TKTL1: variants seen among roughly 807,000 people sequenced by gnomAD.
The protein encoded by TKTL1 is transketolase-like protein 1.
TKTL1 carries 1 observed loss-of-function variant against 39.3 expected under a neutral mutation model. That is an observed-to-expected ratio of 0.03 (90% CI 0.01 to 0.12). The LOEUF is 0.12. Ranked by LOEUF, TKTL1 falls within the 10% of genes least tolerant of loss-of-function variation. The pLI is 1.00. For missense variants in TKTL1, 575 were observed against 509.6 expected (o/e 1.13, Z -1.24); for synonymous variants, 262 against 193.8 (o/e 1.35, Z -2.92).
At chrX:154,328,997 G>A (rs1033983525) in intron 12 of TKTL1, among the ~76,000 whole-genome samples, 5 of 112,473 alleles carry the variant, frequency 4.4e-5, no homozygotes, top group South Asian at 3.6e-4. Context: ...TAGAGACTTG[G>A]CACCTCAAGT....
rs1557169152 is a variant in TKTL1, at chrX:154,315,308, A to G, written c.1000A>G (p.Ile334Val). The change falls in exon 7 of 13, where the codon ATC becomes GTC. Residue 334 changes from isoleucine (I) to valine (V), a missense_variant. By Grantham distance (29) the Ile-to-Val change is conservative (BLOSUM62 3). Transcript: ENST00000369915. ...IFNKEYPERF[I>V]ECFMAEQNMV... ...CAACAAGGAGTACCCTGAGCGCTTCATCGAGTGCTTTATGGCTGAACAAAA... is the reference window on the plus strand; with the variant it reads ...CAACAAGGAGTACCCTGAGCGCTTCGTCGAGTGCTTTATGGCTGAACAAAA... The G allele has an allele frequency of 1.7e-6, 2 of 1,211,346 alleles. No homozygotes were observed. The highest frequency in any genetic ancestry group is 2.2e-6 in the Non-Finnish European group (2 of 895,309).
intron 8 of TKTL1, among the ~76,000 whole-genome samples, chrX:154,321,832 G>A (rs141975241): frequency 1.6e-3 from 175 of 108,638 alleles, no homozygotes; most frequent in African/African-American, 3.0e-3. Flanking sequence ...CTAGAGTCAC[G>A]GCTGTCTGGG....
intron 6 of TKTL1, among the ~76,000 whole-genome samples, chrX:154,313,441 C>G (rs1297710525): frequency 8.9e-6 from 1 of 112,121 alleles, no homozygotes; most frequent in African/African-American, 3.2e-5. Flanking sequence ...GCAGACCTGA[C>G]ATAGGCAAGT....
intron 2 of TKTL1, 66 bp from the exon 3 acceptor site, chrX:154,309,279 G>T: frequency 1.1e-6 from 1 of 939,958 alleles, no homozygotes; most frequent in Non-Finnish European, 1.5e-6. Context: ...TGCACTCAGT[G>T]CGTGAGTCCA....
intron 5 of TKTL1, among the ~76,000 whole-genome samples, chrX:154,311,684 G>A (rs1355721101): frequency 8.9e-6 from 1 of 111,973 alleles, no homozygotes; most frequent in Non-Finnish European, 1.9e-5. Flanking sequence ...AAGGCTGACA[G>A]CTGAAATTGT....
rs782747271 is a variant in TKTL1 at position 154,325,390 on chromosome X, C to G, written c.1369C>G (p.Pro457Ala). ...ACCAGAAACTATGGTTATTTACACCCCACAAGAACGCTTTGAGATCGGACA... is the reference window on the plus strand; with the variant it reads ...ACCAGAAACTATGGTTATTTACACCGCACAAGAACGCTTTGAGATCGGACA... The part of the protein sequence containing the change: ...TRPETMVIYT[P>A]QERFEIGQAK... The change falls in exon 10 of 13, where the codon CCA becomes GCA. Residue 457 changes from proline (P) to alanine (A), a missense_variant. Physicochemically the swap from Pro to Ala is conservative, Grantham distance 27. Coordinates refer to ENST00000369915, the MANE Select transcript of TKTL1 (RefSeq NM_012253.4). The G allele has an allele frequency of 1.9e-5, 23 of 1,211,824 alleles. No individual in the cohort carries two copies. Among genetic ancestry groups the G allele is most frequent in the Non-Finnish European group, 2.5e-5 (22 of 895,297 alleles).
intron 5 of TKTL1, among the ~76,000 whole-genome samples, chrX:154,311,824 A>G (rs2067360182): frequency 9.0e-6 from 1 of 111,497 alleles, no homozygotes; most frequent in South Asian, 3.8e-4. Context: ...CCCTCCGTTC[A>G]GTAAATTATT....
chrX:154,320,886 A>G lies in TKTL1; in HGVS notation c.1159A>G (p.Ile387Val). Residue 387 changes from isoleucine to valine, a missense_variant, in exon 8 of 13, where the codon ATT (isoleucine) becomes GTT (valine). Transcript: ENST00000369915. The stretch of plus-strand genomic sequence containing the variant: ...CCTCGCTGAGAGCAACATCAACATT[A>G]TTGGTTCCCACTGTGGGGTATCTGT... ...GGLAESNINI[I>V]GSHCGVSVGD... 1.7e-6 allele frequency: 2 copies of G among 1,211,512 alleles called. No individual in the cohort carries two copies. Among genetic ancestry groups the G allele is most frequent in the South Asian group, 3.5e-5 (2 of 56,971 alleles).
rs921494097 is a variant in TKTL1 at position 154,315,302 on chromosome X, C to T, written c.994C>T (p.Arg332Cys). The T allele has an allele frequency of 1.7e-6, 2 of 1,210,991 alleles. No individual in the cohort carries two copies. Among genetic ancestry groups the T allele is most frequent in the Non-Finnish European group, 2.2e-6 (2 of 895,059 alleles). ...GATATTCAACAAGGAGTACCCTGAG[C>T]GCTTCATCGAGTGCTTTATGGCTGA... ...SEIFNKEYPE[R>C]FIECFMAEQN... Residue 332 changes from arginine (R) to cysteine (C), a missense_variant, in exon 7 of 13, where the codon CGC becomes TGC. Coordinates refer to ENST00000369915, the MANE Select transcript of TKTL1 (RefSeq NM_012253.4).
At chrX:154,298,891 CTAGAG>C (rs2067251174) in intron 1 of TKTL1, among the ~76,000 whole-genome samples, 1 of 109,800 alleles carries the variant, frequency 9.1e-6, no homozygotes, top group East Asian at 2.8e-4. Flanking sequence ...GTCGCCCAGG[CTAGAG>C]ATGGGGTTTC....
chrX:154,320,458 C>T, intron 7 of TKTL1: 1 of 325,666 alleles, frequency 3.1e-6, no homozygotes, highest in Non-Finnish European at 5.4e-6. Flanking sequence ...AAAGCAGGAA[C>T]AGGACAGATT....
At chrX:154,309,982 G>T (rs2067343438) in intron 3 of TKTL1, among the ~76,000 whole-genome samples, 1 of 109,740 alleles carries the variant, frequency 9.1e-6, no homozygotes, top group Non-Finnish European at 1.9e-5. Context: ...TGATCCACCT[G>T]CCTTGGCCTC....
chrX:154,319,843 C>G (rs974594274), intron 7 of TKTL1, among the ~76,000 whole-genome samples: 2 of 111,639 alleles, frequency 1.8e-5, no homozygotes, highest in African/African-American at 6.5e-5. Context: ...ACACCCACAG[C>G]CACATCCCCT....
chrX:154,314,973 A>G (rs1454890397), intron 6 of TKTL1, among the ~76,000 whole-genome samples, 200 bp from the exon 7 acceptor site: 3 of 111,746 alleles, frequency 2.7e-5, no homozygotes, highest in Non-Finnish European at 5.6e-5. Flanking sequence ...TGGGTGCCAC[A>G]TCAGCCATTT....
At chrX:154,297,356 C>T (rs1358581049) in intron 1 of TKTL1, among the ~76,000 whole-genome samples, 4 of 110,327 alleles carry the variant, frequency 3.6e-5, no homozygotes, top group Non-Finnish European at 7.6e-5. Flanking sequence ...CCTGGGTTCA[C>T]GCCATTCTCC....
chrX:154,312,529 G>A, intron 5 of TKTL1, 51 bp from the exon 6 acceptor site: 2 of 1,142,604 alleles, frequency 1.8e-6, no homozygotes, highest in Non-Finnish European at 2.4e-6. Context: ...GACCTCATAG[G>A]CACTCACTAA....
In TKTL1 at chrX:154,325,341, G is replaced by T. The variant is rs190698074; in HGVS notation, c.1320G>T (p.Gly440=). Reference sequence around the variant, plus strand: ...CCATGGCTCCATTTATGCCCTAGGGGATGTGCTTCATTCGGACCACCCGAC... The same window carrying T: ...CCATGGCTCCATTTATGCCCTAGGGTATGTGCTTCATTCGGACCACCCGAC... ...HAVALAANAK[G]MCFIRTTRPE... Residue 440 remains glycine, a splice_region_variant and synonymous_variant, in exon 10 of 13, where the codon GGG becomes GGT. Coordinates refer to ENST00000369915, the MANE Select transcript of TKTL1 (RefSeq NM_012253.4). 8.3e-7 allele frequency: 1 copy of T among 1,208,141 alleles called. No individual in the cohort carries two copies.
chrX:154,299,135 TTTTC>T (rs1295184719), intron 1 of TKTL1, among the ~76,000 whole-genome samples: 2 of 104,588 alleles, frequency 1.9e-5, no homozygotes, highest in Non-Finnish European at 3.9e-5. Context: ...GGATTTTTCA[TTTTC>T]TTTTTCTTTC....
chrX:154,295,849 G>T lies in TKTL1; in HGVS notation c.-11G>T. On this transcript the variant is annotated 5_prime_UTR_variant, in exon 1 of 13. Coordinates refer to ENST00000369915, the MANE Select transcript of TKTL1 (RefSeq NM_012253.4). ...AGGAGTGGGTCTTCAGACTCCAAAGGGGTTGGACTAATGGCGGATGCTGAG... is the reference window on the plus strand; with the variant it reads ...AGGAGTGGGTCTTCAGACTCCAAAGTGGTTGGACTAATGGCGGATGCTGAG... 2 of 1,210,366 alleles carry T rather than the reference G, an allele frequency of 1.7e-6. No homozygotes were observed. Among genetic ancestry groups the T allele is most frequent in the Non-Finnish European group, 2.2e-6 (2 of 894,764 alleles).
Sources: allele counts gnomAD v4.1 joint callset (sites outside exome capture counted in the v4.1 genomes callset), GRCh38; gene constraint gnomAD v4.1.1; transcripts MANE v1.5; gene names NCBI Gene and HGNC (gene_info 2026-07-23, HGNC 2026-07-21).